WWOX: variants seen among roughly 807,000 people sequenced by gnomAD.
The protein encoded by WWOX is WW domain-containing oxidoreductase.
A neutral mutation model predicts 46.2 loss-of-function variants in WWOX; 69 were observed. The observed-to-expected ratio is 1.49, with a 90% CI of 1.23 to 1.82. The LOEUF (loss-of-function observed/expected upper bound fraction) is 1.82. Among genes scored for constraint, WWOX ranks in the 40% most tolerant of loss-of-function variants. The pLI is 0.00. For missense variants in WWOX, 919 were observed against 542.6 expected (o/e 1.69, Z -6.89); for synonymous variants, 359 against 202.6 (o/e 1.77, Z -6.56).
intron 8 of WWOX, among the ~76,000 whole-genome samples, chr16:78,775,345 A>AC (rs1296487114): frequency 6.6e-6 from 1 of 151,626 alleles, no homozygotes; most frequent in Non-Finnish European, 1.5e-5. Flanking sequence ...TCCCCTCCCC[A>AC]CCCCCACGAA....
At chr16:79,121,187 G>C (rs560168427) in intron 8 of WWOX, among the ~76,000 whole-genome samples, 3 of 152,308 alleles carry the variant, frequency 2.0e-5, no homozygotes, top group Admixed American at 2.0e-4. Context: ...TCCAAATAGA[G>C]TCACAGTTAC....
At position 78,350,982 on chromosome 16, in the gene WWOX, T is replaced by TCAG. The variant is rs1185667089; in HGVS notation, c.517-35878_517-35877insCAG. On this transcript the variant is annotated intron_variant, in intron 5 of 8. Transcript: ENST00000566780. ...CTCGCTGTCATTTTTCTTTTTAGTCTTGTCATTTTATTGGGTATGAAGCGG... is the reference window on the plus strand; with the variant it reads ...CTCGCTGTCATTTTTCTTTTTAGTCTCAGTGTCATTTTATTGGGTATGAAGCGG... 1.4e-4 allele frequency among the ~76,000 whole-genome samples: 8 copies of TCAG among 56,250 alleles called. 1 individual carries two copies. The highest frequency in any genetic ancestry group is 4.6e-4 in the Non-Finnish European group (8 of 17,558). 36.9% of individuals were successfully genotyped at this position (56,250 alleles called of 152,430 possible).
chr16:78,527,816 A>T (rs1413399577), intron 8 of WWOX, among the ~76,000 whole-genome samples: 1 of 151,160 alleles, frequency 6.6e-6, no homozygotes, highest in Non-Finnish European at 1.5e-5. Flanking sequence ...AGGGTAGAGG[A>T]TAGGGGGGAA....
At chr16:78,409,409 T>C (rs781580608) in intron 6 of WWOX, among the ~76,000 whole-genome samples, 19 of 152,108 alleles carry the variant, frequency 1.2e-4, no homozygotes, top group Admixed American at 6.6e-5. Flanking sequence ...CCATTGATCT[T>C]TTTTCTGTCC....
At chr16:78,513,229 A>G (rs1021871148) in intron 8 of WWOX, among the ~76,000 whole-genome samples, 3 of 152,238 alleles carry the variant, frequency 2.0e-5, no homozygotes, top group Admixed American at 6.5e-5. Context: ...AAAATAAATT[A>G]TACTTCAAAG....
At chr16:78,745,690 A>C (rs1597536032) in intron 8 of WWOX, among the ~76,000 whole-genome samples, 4 of 141,804 alleles carry the variant, frequency 2.8e-5, no homozygotes, top group East Asian at 2.1e-4. Context: ...ATAGACATCC[A>C]CCCCCTCACT....
chr16:79,041,600 A>T (rs1311504234), intron 8 of WWOX, among the ~76,000 whole-genome samples: 1 of 152,236 alleles, frequency 6.6e-6, no homozygotes, highest in East Asian at 1.9e-4. Context: ...CTCTGGGAGT[A>T]CGGGATCAGA....
At chr16:78,961,418 A>C (rs1461820269) in intron 8 of WWOX, among the ~76,000 whole-genome samples, 2 of 152,068 alleles carry the variant, frequency 1.3e-5, no homozygotes, top group African/African-American at 4.8e-5. Context: ...CACTCAGCAG[A>C]TATATAGCTA....
chr16:78,353,162 C>G (rs1429562522), intron 5 of WWOX, among the ~76,000 whole-genome samples: 1 of 152,186 alleles, frequency 6.6e-6, no homozygotes, highest in East Asian at 1.9e-4. Context: ...CTTTTTCTGC[C>G]TTTTCATCAT....
chr16:78,745,105 T>C (rs780201176), intron 8 of WWOX, among the ~76,000 whole-genome samples: 4 of 152,150 alleles, frequency 2.6e-5, no homozygotes, highest in Non-Finnish European at 5.9e-5. Flanking sequence ...AAACTGACTA[T>C]AGGAGCCAAG....
chr16:78,892,427 G>C (rs193018449), intron 8 of WWOX: 1 of 152,326 alleles, frequency 6.6e-6, no homozygotes, highest in African/African-American at 2.4e-5. Flanking sequence ...ATCCTTTCAT[G>C]TTGGTGCAAG....
intron 8 of WWOX, among the ~76,000 whole-genome samples, chr16:79,128,686 C>G (rs113604555): frequency 6.0e-4 from 91 of 152,298 alleles, no homozygotes; most frequent in African/African-American, 2.1e-3. Flanking sequence ...TAACAGCATC[C>G]TACTTATTTC....
At chr16:79,116,626 C>G (rs2049520986) in intron 8 of WWOX, among the ~76,000 whole-genome samples, 1 of 152,158 alleles carries the variant, frequency 6.6e-6, no homozygotes, top group African/African-American at 2.4e-5. Context: ...AGTTCTCTTG[C>G]TATTTCTACC....
In WWOX at chr16:78,294,852, A is replaced by C. The variant is rs1450863785; in HGVS notation, c.517-92008A>C. ...ATTGTGAATGAACAAACTAATGAAC[A>C]CTAAATGAACAAATGAATGAATGAA... On this transcript the variant is annotated intron_variant, in intron 5 of 8. Coordinates refer to ENST00000566780, the MANE Select transcript of WWOX (RefSeq NM_016373.4). Among the ~76,000 whole-genome samples, 3 of 135,792 alleles carry C rather than the reference A, an allele frequency of 2.2e-5. No individual in the cohort carries two copies. The Admixed American group carries it at 2.2e-4, about 10-fold the overall frequency. 89.1% of individuals were successfully genotyped at this position (135,792 alleles called of 152,430 possible).
chr16:78,593,278 C>T (rs112606170), intron 8 of WWOX, among the ~76,000 whole-genome samples: 7 of 152,158 alleles, frequency 4.6e-5, no homozygotes, highest in African/African-American at 1.7e-4. Context: ...TGGCCTCAAG[C>T]AATCCAGCCA....
At chr16:78,804,026 C>T (rs1291349518) in intron 8 of WWOX, among the ~76,000 whole-genome samples, 1 of 152,110 alleles carries the variant, frequency 6.6e-6, no homozygotes, top group Non-Finnish European at 1.5e-5. Context: ...AGCCCCATCA[C>T]TATGAGATGG....
chr16:79,207,433 C>T (rs2051553395), intron 8 of WWOX, among the ~76,000 whole-genome samples: 1 of 152,238 alleles, frequency 6.6e-6, no homozygotes, highest in Non-Finnish European at 1.5e-5. Flanking sequence ...TTCTCCTTCC[C>T]TGCTCTTGGT....
At chr16:78,816,660 A>G (rs2051338762) in intron 8 of WWOX, among the ~76,000 whole-genome samples, 1 of 151,912 alleles carries the variant, frequency 6.6e-6, no homozygotes, top group African/African-American at 2.4e-5. Context: ...AGCACAACCA[A>G]ATTGTAGTAC....
chr16:78,461,811 T>C (rs1047685830), intron 8 of WWOX, among the ~76,000 whole-genome samples: 1 of 152,138 alleles, frequency 6.6e-6, no homozygotes, highest in African/African-American at 2.4e-5. Flanking sequence ...TTTAATACTC[T>C]ATTTATTTTA....
Sources: gnomAD v4.1 joint callset for allele counts (sites outside exome capture counted in the v4.1 genomes callset) on GRCh38, gnomAD v4.1.1 for gene constraint, MANE v1.5 for transcripts, NCBI Gene and HGNC (gene_info 2026-07-23, HGNC 2026-07-21) for gene names.